Variants in GSS observed in about 807,000 individuals in gnomAD.
GSS encodes the protein glutathione synthetase, also known as GSH synthetase.
In GSS, 34 loss-of-function variants were observed where a neutral mutation model predicts 60.4. The ratio of observed to expected loss-of-function variants is 0.56; its 90% confidence interval spans 0.43 to 0.75. The LOEUF is 0.75. GSS is among the 30% of genes least tolerant of loss of function. The pLI is 0.00. For missense variants in GSS, 499 were observed against 595.1 expected, an observed-to-expected ratio of 0.84 and a Z score of 1.68; for synonymous variants, 224 against 239.0, an observed-to-expected ratio of 0.94 and a Z score of 0.58.
intron 6 of GSS, among the ~76,000 whole-genome samples, chr20:34,939,563 A>T (rs2081467222): frequency 6.6e-6 from 1 of 152,214 alleles, no homozygotes; most frequent in African/African-American, 2.4e-5. Context: ...CGGTTGTGTA[A>T]CTTTGGGCAA....
At chr20:34,932,853 T>C (rs940127741) in intron 9 of GSS, among the ~76,000 whole-genome samples, 1 of 152,150 alleles carries the variant, frequency 6.6e-6, no homozygotes, top group African/African-American at 2.4e-5. Flanking sequence ...GTTTACTTTT[T>C]TTTTCTTTTG....
chr20:34,941,241 G>A (rs2081480106), intron 6 of GSS, among the ~76,000 whole-genome samples: 1 of 152,006 alleles, frequency 6.6e-6, no homozygotes, highest in Non-Finnish European at 1.5e-5. Context: ...TGAAATCCCA[G>A]CTACTCAGGA....
rs760750275 is a variant in GSS, at chr20:34,928,834, A to G, written c.1419T>C (p.Pro473=). The change falls in exon 13 of 13, where the codon CCT becomes CCC. Residue 473 remains proline, a synonymous_variant. Coordinates refer to ENST00000651619, the MANE Select transcript of GSS (RefSeq NM_000178.4). ...AGVAVLDNPY[P]V ...CCGTGGCCTGGTTGTGCCCTCACACAGGGTATGGGTTGTCCAGGACTGCCA... is the reference window on the plus strand; with the variant it reads ...CCGTGGCCTGGTTGTGCCCTCACACGGGGTATGGGTTGTCCAGGACTGCCA... 3 of 1,614,106 alleles carry G rather than the reference A, an allele frequency of 1.9e-6. No homozygotes were observed. Among genetic ancestry groups the G allele is most frequent in the Non-Finnish European group, 1.7e-6 (2 of 1,179,994 alleles).
In GSS at chr20:34,937,020, A is replaced by C; in HGVS notation, c.612T>G (p.Ala204=). 6.2e-7 allele frequency: 1 copy of C among 1,612,682 alleles called. No individual in the cohort carries two copies. Residue 204 remains alanine, a synonymous_variant, in exon 7 of 13, where the codon GCT becomes GCG. Coordinates refer to ENST00000651619, the MANE Select transcript of GSS (RefSeq NM_000178.4). ...TCTCTTGAGCAATCAGTAGCACCAG[A>C]GCACTGGGGAAAGAGCACAGGTGGC... is the stretch of plus-strand genomic sequence containing the variant. ...KAWELYGSPN[A]LVLLIAQEKE...
At chr20:34,932,899 G>A (rs1302934113) in intron 9 of GSS, among the ~76,000 whole-genome samples, 1 of 151,846 alleles carries the variant, frequency 6.6e-6, no homozygotes, top group African/African-American at 2.4e-5. Context: ...AGACTGGAGT[G>A]CAACAGCGCA....
chr20:34,948,692 G>A (rs2081541920), intron 2 of GSS, among the ~76,000 whole-genome samples: 1 of 151,926 alleles, frequency 6.6e-6, no homozygotes. Context: ...GCTGAGGCAG[G>A]AGAATCGCTT....
intron 6 of GSS, among the ~76,000 whole-genome samples, chr20:34,938,408 A>G (rs2147126715): frequency 6.6e-6 from 1 of 152,268 alleles, no homozygotes; most frequent in South Asian, 2.1e-4. Context: ...TTTGCCTGAA[A>G]TCTCATGAGG....
At chr20:34,944,052 C>T (rs538162173) in intron 3 of GSS, among the ~76,000 whole-genome samples, 1 of 152,316 alleles carries the variant, frequency 6.6e-6, no homozygotes, top group South Asian at 2.1e-4. Context: ...CCCAGGCCTG[C>T]CCTGAAGTTC....
Position 34,942,625 on chromosome 20 carries a change from A to T in GSS, c.354T>A (p.Thr118=). The part of the protein sequence containing the change: ...KQVLKEGIAQ[T]VFLGLNRSDY... Reference sequence around the variant, plus strand: ...CTGAGCGATTCAGGCCCAGGAACACAGTCTGTGGGGAAAACTGAAGGCTGA... The same window carrying T: ...CTGAGCGATTCAGGCCCAGGAACACTGTCTGTGGGGAAAACTGAAGGCTGA... The change falls in exon 5 of 13, where the codon ACT becomes ACA. Residue 118 remains threonine (T), a splice_region_variant and synonymous_variant. Transcript: ENST00000651619. The T allele has an allele frequency of 6.2e-7, 1 of 1,614,052 alleles. No individual in the cohort carries two copies. The highest frequency in any genetic ancestry group is 8.5e-7 in the Non-Finnish European group (1 of 1,179,972).
intron 1 of GSS, chr20:34,954,171 G>A (rs2081593613): frequency 6.6e-6 from 1 of 152,152 alleles, no homozygotes. Flanking sequence ...TTTGCTGTTG[G>A]GCTTTTATTT....
In GSS at chr20:34,937,134, C is replaced by A. The variant is rs1199870440; in HGVS notation, c.609-111G>T. 6 of 757,212 alleles carry A rather than the reference C, an allele frequency of 7.9e-6. No homozygotes were observed. In the African/African-American group the frequency reaches 1.0e-4, roughly 13 times the overall value. The allele number at this position is 757,212 out of a possible 1,614,324, so 46.9% of individuals were successfully genotyped here. A position where few individuals can be genotyped will look rare whatever the true frequency, so the allele number is the denominator to read the frequency against. On this transcript the variant is annotated intron_variant, in intron 6 of 12. Coordinates refer to ENST00000651619, the MANE Select transcript of GSS (RefSeq NM_000178.4). ...TCCTGGAATAAGAATAAGAACACCG[C>A]TTCCCTGAAAGAACAGATGTTCCCT...
At chr20:34,929,676 C>A in intron 11 of GSS, 86 bp from the exon 12 acceptor site, 2 of 1,162,880 alleles carry the variant, frequency 1.7e-6, no homozygotes, top group South Asian at 2.4e-5. Flanking sequence ...ATGGGCAAGT[C>A]AGCAGCCTCA....
intron 6 of GSS, among the ~76,000 whole-genome samples, chr20:34,937,749 T>G (rs1271826021): frequency 1.3e-5 from 2 of 152,234 alleles, no homozygotes; most frequent in Admixed American, 6.5e-5. Context: ...ACTATCTGTT[T>G]GGCTGCCAGC....
chr20:34,937,043 G>C lies in GSS; in HGVS notation c.609-20C>G. 6.3e-7 allele frequency: 1 copy of C among 1,576,300 alleles called. No homozygotes were observed. Among genetic ancestry groups the C allele is most frequent in the Non-Finnish European group, 8.7e-7 (1 of 1,146,284 alleles). ...AGAGCACTGGGGAAAGAGCACAGGT[G>C]GCCCGAGGCTACTATAGAACTTGTT... On this transcript the variant is annotated intron_variant, in intron 6 of 12. Coordinates refer to ENST00000651619, the MANE Select transcript of GSS (RefSeq NM_000178.4).
intron 9 of GSS, among the ~76,000 whole-genome samples, chr20:34,932,455 G>A (rs2081409760): frequency 6.6e-6 from 1 of 152,166 alleles, no homozygotes; most frequent in South Asian, 2.1e-4. Flanking sequence ...TCCTTCAGGA[G>A]CTGGCTCCTG....
At chr20:34,931,253 G>C (rs1277270292) in intron 11 of GSS, 83 bp downstream of exon 11, 10 of 1,076,236 alleles carry the variant, frequency 9.3e-6, no homozygotes, top group Non-Finnish European at 1.4e-5. Context: ...CCGGGACTGT[G>C]CCCAGAGTAA....
At position 34,951,053 on chromosome 20, in the gene GSS, G is replaced by A. The variant is rs997093005; in HGVS notation, c.129+671C>T. On this transcript the variant is annotated intron_variant, in intron 2 of 12. Transcript: ENST00000651619. ...AGGTGCCCCAACAGACATATGCATG[G>A]ATGTTCCCTATAATGCTATTTATGG... Among the ~76,000 whole-genome samples, 15 of 152,084 alleles carry A rather than the reference G, an allele frequency of 9.9e-5. No individual in the cohort carries two copies. In the Middle Eastern group the frequency reaches 0.014, roughly 138 times the overall value.
At chr20:34,930,002 T>G (rs984749553) in intron 11 of GSS, among the ~76,000 whole-genome samples, 1 of 152,148 alleles carries the variant, frequency 6.6e-6, no homozygotes, top group East Asian at 1.9e-4. Context: ...GCATGGTGGC[T>G]CACGCCTGTA....
rs374760588 is a variant in GSS at position 34,931,972 on chromosome 20, G to A, written c.996C>T (p.Arg332=). 18 of 1,614,006 alleles carry A rather than the reference G, an allele frequency of 1.1e-5. No individual in the cohort carries two copies. The highest frequency in any genetic ancestry group is 5.0e-5 in the Admixed American group (3 of 60,016). ...GTGAGTAGAGGCCAGCAAAGGTGGC[G>A]CGGAGGCGGGCCACAGCCTCAGGCT... ...PGQPEAVARL[R]ATFAGLYSLD... The change falls in exon 10 of 13, where the codon CGC becomes CGT. Residue 332 remains arginine, a synonymous_variant. Transcript: ENST00000651619.
Sources: gnomAD v4.1 joint callset for allele counts (sites outside exome capture counted in the v4.1 genomes callset) on GRCh38, gnomAD v4.1.1 for gene constraint, MANE v1.5 for transcripts, NCBI Gene and HGNC (gene_info 2026-07-23, HGNC 2026-07-21) for gene names.